MGAT4C: variants seen among roughly 807,000 people sequenced by gnomAD.
MGAT4C encodes alpha-1,3-mannosyl-glycoprotein 4-beta-N-acetylglucosaminyltransferase C.
In MGAT4C, 19 loss-of-function variants were observed where a neutral mutation model predicts 40.1. The ratio of observed to expected loss-of-function variants is 0.47; its 90% confidence interval spans 0.33 to 0.70. The LOEUF (loss-of-function observed/expected upper bound fraction) is 0.70. Among genes scored for constraint, MGAT4C ranks in the 30% least tolerant of loss-of-function variants. The pLI is 0.02. For missense variants in MGAT4C, 491 were observed against 563.2 expected (o/e 0.87, Z 1.30); for synonymous variants, 181 against 187.1 (o/e 0.97, Z 0.27).
At chr12:86,263,860 C>G (rs1036495218) in intron 4 of MGAT4C, among the ~76,000 whole-genome samples, 4 of 152,052 alleles carry the variant, frequency 2.6e-5, no homozygotes. Flanking sequence ...TTTCTAATAG[C>G]CATTTTGACA....
intron 2 of MGAT4C, among the ~76,000 whole-genome samples, chr12:86,713,986 A>G (rs936453894): frequency 2.6e-5 from 4 of 152,178 alleles, no homozygotes; most frequent in African/African-American, 9.6e-5. Flanking sequence ...AGTATGTTTT[A>G]TTGCATCATG....
chr12:86,345,425 C>G (rs187733241), intron 3 of MGAT4C, among the ~76,000 whole-genome samples: 2 of 152,032 alleles, frequency 1.3e-5, no homozygotes, highest in South Asian at 2.1e-4. Flanking sequence ...TCCCTCCCCC[C>G]TTCCCCCACC....
intron 1 of MGAT4C, among the ~76,000 whole-genome samples, chr12:86,095,038 C>T (rs560071386): frequency 6.6e-6 from 1 of 152,008 alleles, no homozygotes; most frequent in Non-Finnish European, 1.5e-5. Context: ...TTCAGAAATC[C>T]AAGTTGAGGA....
At chr12:86,527,376 A>G (rs1330602165) in intron 2 of MGAT4C, among the ~76,000 whole-genome samples, 3 of 152,184 alleles carry the variant, frequency 2.0e-5, no homozygotes, top group Non-Finnish European at 4.4e-5. Context: ...ATGCAAGTAC[A>G]ACACCATTTT....
intron 1 of MGAT4C, among the ~76,000 whole-genome samples, chr12:86,828,612 C>G (rs1319241200): frequency 6.6e-6 from 1 of 150,988 alleles, no homozygotes; most frequent in Non-Finnish European, 1.5e-5. Context: ...AAAAAGTAAC[C>G]CCCAAAACAA....
At chr12:86,715,431 G>A (rs1950629024) in intron 2 of MGAT4C, among the ~76,000 whole-genome samples, 1 of 152,074 alleles carries the variant, frequency 6.6e-6, no homozygotes, top group African/African-American at 2.4e-5. Flanking sequence ...TGATCTGGGT[G>A]CTGATTATAT....
chr12:86,508,382 A>G (rs1039995809), intron 2 of MGAT4C, among the ~76,000 whole-genome samples: 2 of 152,216 alleles, frequency 1.3e-5, no homozygotes, highest in African/African-American at 4.8e-5. Flanking sequence ...TACAAAGGAC[A>G]TGAACTCAAC....
intron 2 of MGAT4C, among the ~76,000 whole-genome samples, chr12:86,555,185 T>G (rs1332765375): frequency 1.3e-5 from 2 of 151,968 alleles, no homozygotes; most frequent in African/African-American, 4.8e-5. Flanking sequence ...AAGTACCTTT[T>G]GGTATTTAAA....
Position 86,094,618 on chromosome 12 carries a change from G to A in MGAT4C, c.-56-44895C>T, listed in dbSNP as rs115269426. Among the ~76,000 whole-genome samples the A allele has an allele frequency of 3.3e-3, 496 of 152,056 alleles. 3 individuals are homozygous for A. The highest frequency in any genetic ancestry group is 0.011 in the African/African-American group (459 of 41,492). The stretch of plus-strand genomic sequence containing the variant: ...TTTATTATTAAAAATAGGATTACAC[G>A]AAGCCTGCTGCTCAGATGAATTTTA... On this transcript the variant is annotated intron_variant, in intron 1 of 4. Coordinates refer to ENST00000611864, the MANE Select transcript of MGAT4C (RefSeq NM_001351288.2).
intron 1 of MGAT4C, among the ~76,000 whole-genome samples, chr12:86,727,870 T>C (rs555868947): frequency 6.6e-6 from 1 of 152,130 alleles, no homozygotes; most frequent in African/African-American, 2.4e-5. Context: ...TACACAAAAG[T>C]AGTGATATGA....
chr12:86,441,801 A>C (rs1957234277), intron 2 of MGAT4C, among the ~76,000 whole-genome samples: 1 of 152,092 alleles, frequency 6.6e-6, no homozygotes, highest in Non-Finnish European at 1.5e-5. Flanking sequence ...GTGCTGCAAT[A>C]AACATACATG....
At chr12:86,254,351 T>A (rs959267170) in intron 1 of MGAT4C, among the ~76,000 whole-genome samples, 2 of 152,058 alleles carry the variant, frequency 1.3e-5, no homozygotes, top group South Asian at 2.1e-4. Flanking sequence ...GCAGTCACCA[T>A]CAATGTAGTG....
At chr12:86,296,800 G>A (rs905009812) in intron 4 of MGAT4C, among the ~76,000 whole-genome samples, 1 of 152,174 alleles carries the variant, frequency 6.6e-6, no homozygotes, top group Non-Finnish European at 1.5e-5. Context: ...GCAAGCTGAG[G>A]GAGCCGGTTC....
At chr12:86,076,104 C>T (rs1194551725) in intron 1 of MGAT4C, among the ~76,000 whole-genome samples, 3 of 152,218 alleles carry the variant, frequency 2.0e-5, no homozygotes, top group African/African-American at 7.2e-5. Flanking sequence ...CAAGTCACCA[C>T]TTGAATGCTT....
At chr12:86,237,012 A>G (rs1951582470) in intron 1 of MGAT4C, among the ~76,000 whole-genome samples, 1 of 150,082 alleles carries the variant, frequency 6.7e-6, no homozygotes, top group Non-Finnish European at 1.5e-5. Context: ...GTTAATATTT[A>G]TATATATATA....
At chr12:86,741,189 C>T (rs1348217546) in intron 1 of MGAT4C, among the ~76,000 whole-genome samples, 1 of 151,164 alleles carries the variant, frequency 6.6e-6, no homozygotes, top group African/African-American at 2.4e-5. Flanking sequence ...AAGACACATG[C>T]ACTCGTATGT....
intron 1 of MGAT4C, among the ~76,000 whole-genome samples, chr12:86,760,341 C>A (rs887463245): frequency 6.6e-6 from 1 of 151,972 alleles, no homozygotes; most frequent in Non-Finnish European, 1.5e-5. Context: ...AAGAAAGCTC[C>A]ATGACACTGA....
chr12:86,745,013 C>G (rs1951130799), intron 1 of MGAT4C: 1 of 151,474 alleles, frequency 6.6e-6, no homozygotes, highest in African/African-American at 2.4e-5. Context: ...CTTAAGCACT[C>G]CTGGACAGAG....
At chr12:86,809,598 G>A (rs941680113) in intron 1 of MGAT4C, among the ~76,000 whole-genome samples, 10 of 151,798 alleles carry the variant, frequency 6.6e-5, no homozygotes, top group Non-Finnish European at 1.5e-4. Context: ...TAGTGATATT[G>A]TGGTTTTGAT....
Sources: allele counts gnomAD v4.1 joint callset (sites outside exome capture counted in the v4.1 genomes callset), GRCh38; gene constraint gnomAD v4.1.1; transcripts MANE v1.5; gene names NCBI Gene and HGNC (gene_info 2026-07-23, HGNC 2026-07-21).